OTOG: variants seen among roughly 807,000 people sequenced by gnomAD.
OTOG encodes otogelin.
Under a neutral mutation model 313.8 loss-of-function variants are expected in OTOG, and 296 were observed. That is an observed-to-expected ratio of 0.94 (90% CI 0.86 to 1.04). The LOEUF (loss-of-function observed/expected upper bound fraction) is 1.04. Among genes scored for constraint, OTOG ranks in the 50% least tolerant of loss-of-function variants. The probability of loss-of-function intolerance (pLI) is 0.00; values close to 1 mark genes in which losing one functional copy is unlikely to be tolerated. For synonymous variants in OTOG, 1,533 were observed against 1,554.9 expected (o/e 0.99, Z 0.33); for missense variants, 3,948 against 3,840.1 (o/e 1.03, Z -0.74).
Position 17,553,450 on chromosome 11 carries a change from C to A in OTOG, c.471C>A (p.Tyr157Ter). The change falls in exon 6 of 56, where the codon TAC becomes TAA. Residue 157 changes from tyrosine to a stop codon, truncating the protein, a stop_gained. Coordinates refer to ENST00000399397, the MANE Select transcript of OTOG (RefSeq NM_001292063.2). LOFTEE classifies it high-confidence loss of function. ...AGACATTTGATGGGCTCTACTACTA[C>A]CTCTCCGGAAAGGGCAGCTACACCC... ...HVETFDGLYY[Y>*]LSGKGSYTLV... 6.8e-7 allele frequency: 1 copy of A among 1,470,506 alleles called. No individual in the cohort carries two copies. The highest frequency in any genetic ancestry group is 9.0e-7 in the Non-Finnish European group (1 of 1,109,104). 91.1% of individuals were successfully genotyped at this position (1,470,506 alleles called of 1,614,324 possible).
At position 17,559,621 on chromosome 11, in the gene OTOG, A is replaced by G. The variant is rs1471155953; in HGVS notation, c.1301A>G (p.Asp434Gly). ...ASCHPRASCVDSEIACVDGCY... is the reference protein window; with the variant it reads ...ASCHPRASCVGSEIACVDGCY... ...TGCCATCCCCGGGCATCCTGTGTGGACAGTGAGATCGCCTGTGTGGACGGC... is the reference window on the plus strand; with the variant it reads ...TGCCATCCCCGGGCATCCTGTGTGGGCAGTGAGATCGCCTGTGTGGACGGC... Residue 434 changes from aspartate to glycine, a missense_variant, in exon 12 of 56, where the codon GAC (aspartate) becomes GGC (glycine). Asp to Gly is a moderately conservative substitution (Grantham distance 94). Transcript: ENST00000399397. The G allele has an allele frequency of 3.9e-6, 6 of 1,550,888 alleles. No individual in the cohort carries two copies. The South Asian group carries it at 5.9e-5, about 15-fold the overall frequency.
At chr11:17,589,784 A>G (rs143232238) in intron 24 of OTOG, among the ~76,000 whole-genome samples, 4 of 152,184 alleles carry the variant, frequency 2.6e-5, no homozygotes, top group Middle Eastern at 3.4e-3. Flanking sequence ...CTTCGAAACT[A>G]TTCCTACTAA....
At chr11:17,559,498 C>A in intron 11 of OTOG, 36 bp from the exon 12 acceptor site, 1 of 1,550,232 alleles carries the variant, frequency 6.5e-7, no homozygotes, top group South Asian at 1.2e-5. Flanking sequence ...GAGCTGGGGC[C>A]AGTAGCTGAG....
At chr11:17,634,015 A>G (rs1038746617) in intron 43 of OTOG, 54 bp from the exon 44 acceptor site, 18 of 1,512,302 alleles carry the variant, frequency 1.2e-5, no homozygotes, top group Middle Eastern at 2.3e-4. Context: ...CTAGCCTGGG[A>G]AGGTCTGGGC....
At chr11:17,640,104 T>C (rs1362247897) in intron 49 of OTOG, among the ~76,000 whole-genome samples, 1 of 152,152 alleles carries the variant, frequency 6.6e-6, no homozygotes, top group Admixed American at 6.5e-5. Context: ...TTGATGACAA[T>C]CATGACGGTA....
chr11:17,563,247 T>A (rs938749038), intron 15 of OTOG, among the ~76,000 whole-genome samples: 1 of 152,236 alleles, frequency 6.6e-6, no homozygotes, highest in Non-Finnish European at 1.5e-5. Context: ...CAGTCTGGGC[T>A]GTGCCAAAGC....
Position 17,552,057 on chromosome 11 carries a change from G to T in OTOG, c.274G>T (p.Ala92Ser). The T allele has an allele frequency of 6.4e-7, 1 of 1,550,536 alleles. No individual in the cohort carries two copies. The highest frequency in any genetic ancestry group is 8.7e-7 in the Non-Finnish European group (1 of 1,146,906). Reference sequence around the variant, plus strand: ...TTCCTGGGAAAGGCGGCTCCATCGGGCCAAGTGTGCACCATCCTGTAAGTG... The same window carrying T: ...TTCCTGGGAAAGGCGGCTCCATCGGTCCAAGTGTGCACCATCCTGTAAGTG... ...MSSWERRLHR[A>S]KCAPSYLFSC... Residue 92 changes from alanine (A) to serine (S), a missense_variant, in exon 4 of 56, where the codon GCC (alanine) becomes TCC (serine). Coordinates refer to ENST00000399397, the MANE Select transcript of OTOG (RefSeq NM_001292063.2).
chr11:17,574,096 G>C (rs1852463458), intron 19 of OTOG, among the ~76,000 whole-genome samples: 1 of 152,236 alleles, frequency 6.6e-6, no homozygotes, highest in Non-Finnish European at 1.5e-5. Context: ...AGGTGGCTTT[G>C]ATGTGCAGCC....
At chr11:17,645,228 C>T (rs1848049024) in intron 54 of OTOG, among the ~76,000 whole-genome samples, 1 of 152,214 alleles carries the variant, frequency 6.6e-6, no homozygotes, top group Admixed American at 6.5e-5. Context: ...AAGTGGCCAA[C>T]ACAGCTTAGA....
rs1352930164 is a variant in OTOG, at chr11:17,547,446, C to G, written c.74C>G (p.Ser25Cys). 1 of 1,382,170 alleles carries G rather than the reference C, an allele frequency of 7.2e-7. No homozygotes were observed. Among genetic ancestry groups the G allele is most frequent in the Non-Finnish European group, 9.3e-7 (1 of 1,073,796 alleles). 85.6% of individuals were successfully genotyped at this position (1,382,170 alleles called of 1,614,324 possible). A position where few individuals can be genotyped will look rare whatever the true frequency, so the allele number is the denominator to read the frequency against. The change falls in exon 1 of 56, where the codon TCC becomes TGC. Residue 25 changes from serine (S) to cysteine (C), a missense_variant. Coordinates refer to ENST00000399397, the MANE Select transcript of OTOG (RefSeq NM_001292063.2). The part of the protein sequence containing the change: ...WLPWGEQAAE[S>C]LRVQRLAAAP... Reference sequence around the variant, plus strand: ...CCCTGGGGTGAGCAGGCAGCCGAGTCCCTGCGGGTGCAGCGCCTCGGTGAG... The same window carrying G: ...CCCTGGGGTGAGCAGGCAGCCGAGTGCCTGCGGGTGCAGCGCCTCGGTGAG...
intron 39 of OTOG, among the ~76,000 whole-genome samples, chr11:17,622,792 TG>T (rs1853896054): frequency 6.6e-6 from 1 of 152,246 alleles, no homozygotes; most frequent in South Asian, 2.1e-4. Flanking sequence ...TTAGCTATCG[TG>T]AACAGTGCTG....
chr11:17,565,984 G>T (rs1186833152), intron 15 of OTOG, among the ~76,000 whole-genome samples: 1 of 152,126 alleles, frequency 6.6e-6, no homozygotes, highest in Admixed American at 6.5e-5. Context: ...TTGGACGATG[G>T]TATTAGAATC....
Position 17,641,102 on chromosome 11 carries a change from GC to G in OTOG, c.8190+14del. The G allele has an allele frequency of 3.6e-6, 1 of 275,076 alleles. No individual in the cohort carries two copies. Among genetic ancestry groups the G allele is most frequent in the Non-Finnish European group, 7.2e-6 (1 of 138,022 alleles). The allele number at this position is 275,076 out of a possible 1,614,324, so 17.0% of individuals were successfully genotyped here. A position where few individuals can be genotyped will look rare whatever the true frequency, so the allele number is the denominator to read the frequency against. ...ATCCACTGTGAGGCGGTAGGGTGCA[GC>G]CCAGGGCGGGGTGGGTGGGGTTGGG... On this transcript the variant is annotated intron_variant, in intron 51 of 55. Coordinates refer to ENST00000399397, the MANE Select transcript of OTOG (RefSeq NM_001292063.2).
intron 15 of OTOG, among the ~76,000 whole-genome samples, chr11:17,563,904 C>T (rs1590002315): frequency 7.2e-6 from 1 of 139,456 alleles, no homozygotes. Flanking sequence ...CATCATGTGG[C>T]CCAGACTAGT....
intron 39 of OTOG, among the ~76,000 whole-genome samples, chr11:17,627,282 G>A (rs1854006374): frequency 6.6e-6 from 1 of 150,398 alleles, no homozygotes; most frequent in Non-Finnish European, 1.5e-5. Flanking sequence ...ATTACTTTGA[G>A]GTATGTTCCT....
intron 20 of OTOG, among the ~76,000 whole-genome samples, chr11:17,575,819 C>T (rs1852510053): frequency 6.6e-6 from 1 of 152,134 alleles, no homozygotes; most frequent in Non-Finnish European, 1.5e-5. Context: ...CGAAAGGGGT[C>T]TGTGTGGCTT....
At chr11:17,580,755 C>T (rs915200049) in intron 23 of OTOG, among the ~76,000 whole-genome samples, 4 of 152,186 alleles carry the variant, frequency 2.6e-5, no homozygotes, top group African/African-American at 9.7e-5. Context: ...TATTGTGTTT[C>T]TACTAGGTGA....
At chr11:17,630,467 T>C (rs1365904756) in intron 40 of OTOG, among the ~76,000 whole-genome samples, 1 of 152,214 alleles carries the variant, frequency 6.6e-6, no homozygotes, top group Non-Finnish European at 1.5e-5. Flanking sequence ...AATAAGAGTT[T>C]GCCTTTAATC....
At chr11:17,629,051 A>C in intron 39 of OTOG, 82 bp from the exon 40 acceptor site, 2 of 1,319,484 alleles carry the variant, frequency 1.5e-6, no homozygotes, top group Middle Eastern at 1.9e-4. Flanking sequence ...TGGATGGATG[A>C]ATGGATGGAC....
Sources: gnomAD v4.1 joint callset for allele counts (sites outside exome capture counted in the v4.1 genomes callset) on GRCh38, gnomAD v4.1.1 for gene constraint, MANE v1.5 for transcripts, NCBI Gene and HGNC (gene_info 2026-07-23, HGNC 2026-07-21) for gene names.